The following ERC1 variants were observed in gnomAD, a reference collection of about 807,000 sequenced individuals.
ERC1 encodes the protein RAB6 interacting protein 2.
ERC1 carries 56 observed loss-of-function variants against 132.0 expected under a neutral mutation model. The ratio of observed to expected loss-of-function variants is 0.42; its 90% CI spans 0.34 to 0.53. The LOEUF (loss-of-function observed/expected upper bound fraction) is 0.53. ERC1 is among the 20% of genes least tolerant of loss of function. The pLI is 0.03. For synonymous variants in ERC1, 478 were observed against 476.1 expected, an observed-to-expected ratio of 1.00 and a Z score of -0.05; for missense variants, 1,202 against 1,349.9, an observed-to-expected ratio of 0.89 and a Z score of 1.72.
At chr12:1,423,384 C>T (rs767452231) in intron 17 of ERC1, among the ~76,000 whole-genome samples, 2 of 152,166 alleles carry the variant, frequency 1.3e-5, no homozygotes, top group Admixed American at 6.5e-5. Flanking sequence ...AAAATTTTAA[C>T]GTGCCTTTGT....
chr12:1,330,589 A>T (rs2082790903), intron 15 of ERC1, among the ~76,000 whole-genome samples: 1 of 151,612 alleles, frequency 6.6e-6, no homozygotes, highest in Non-Finnish European at 1.5e-5. Flanking sequence ...CAGTACCTCT[A>T]CTCTTCCTTC....
intron 14 of ERC1, among the ~76,000 whole-genome samples, chr12:1,289,128 CACAT>C (rs1200674161): frequency 8.1e-5 from 11 of 135,108 alleles, no homozygotes; most frequent in African/African-American, 1.4e-4. Flanking sequence ...CACACACACA[CACAT>C]AACTATATAG....
At chr12:1,157,524 C>G (rs1381801127) in intron 8 of ERC1, among the ~76,000 whole-genome samples, 2 of 152,108 alleles carry the variant, frequency 1.3e-5, no homozygotes, top group African/African-American at 4.8e-5. Context: ...ATAATCCACC[C>G]CTTCTCTTCT....
intron 3 of ERC1, among the ~76,000 whole-genome samples, chr12:1,101,291 G>A (rs1944629031): frequency 6.6e-6 from 1 of 152,120 alleles, no homozygotes; most frequent in Non-Finnish European, 1.5e-5. Context: ...ACTGGGCTCC[G>A]AAGTTATATA....
rs2094307339 is a variant in ERC1 at position 1,490,449 on chromosome 12, A to G, written c.*219A>G. On this transcript the variant is annotated 3_prime_UTR_variant, in exon 19 of 19. Coordinates refer to ENST00000360905, the MANE Select transcript of ERC1 (RefSeq NM_178040.4). Reference sequence around the variant, plus strand: ...CTCTACACTAACCTTCTTGATGTCCAGGGTAGATAAAGGGTCGAATCTCTC... The same window carrying G: ...CTCTACACTAACCTTCTTGATGTCCGGGGTAGATAAAGGGTCGAATCTCTC... 3 of 526,288 alleles carry G rather than the reference A, an allele frequency of 5.7e-6. No individual in the cohort carries two copies. Among genetic ancestry groups the G allele is most frequent in the East Asian group, 5.9e-5 (2 of 34,066 alleles). The allele number at this position is 526,288 out of a possible 1,614,324, so 32.6% of individuals were successfully genotyped here. A position where few individuals can be genotyped will look rare whatever the true frequency, so the allele number is the denominator to read the frequency against.
chr12:1,263,760 G>A (rs768585846), intron 14 of ERC1, among the ~76,000 whole-genome samples: 15 of 152,058 alleles, frequency 9.9e-5, no homozygotes, highest in Non-Finnish European at 2.1e-4. Flanking sequence ...TGTGATCTCA[G>A]CTCACTGCAA....
At chr12:1,115,668 T>A in intron 6 of ERC1, 198 bp from the exon 7 acceptor site, 1 of 445,382 alleles carries the variant, frequency 2.2e-6, no homozygotes, top group Admixed American at 3.9e-5. Flanking sequence ...TCCCTATTGG[T>A]TGAATAAGTT....
intron 1 of ERC1, among the ~76,000 whole-genome samples, chr12:1,011,067 A>G (rs1047007434): frequency 3.9e-5 from 6 of 152,208 alleles, no homozygotes; most frequent in African/African-American, 1.4e-4. Context: ...ATATGTGCCA[A>G]CTGCATTTGG....
rs12319376 is a variant in ERC1, at chr12:1,444,631, A to G, written c.3094A>G (p.Thr1032Ala). 124,598 of 1,613,534 alleles carry G rather than the reference A, an allele frequency of 0.077. 14,870 individuals carry two copies. Among genetic ancestry groups the G allele is most frequent in the African/African-American group, 0.57 (42,611 of 74,838 alleles). The change falls in exon 18 of 19, where the codon ACC becomes GCC. Residue 1032 changes from threonine (T) to alanine (A), a missense_variant. Transcript: ENST00000360905. ...AAAGTTGTACATTGGACACCTGACA[A>G]CCCTCTGCCATGACCGAGACCCCCT... ...KLKLYIGHLT[T>A]LCHDRDPLIL...
upstream of ERC1, chr12:991,145 G>A (rs1486493878): frequency 1.4e-5 from 2 of 147,514 alleles, no homozygotes; most frequent in East Asian, 2.0e-4. Context: ...CGGGAGCCCG[G>A]GGAGGCGCGC....
chr12:1,263,593 G>T (rs1291946456), intron 14 of ERC1, among the ~76,000 whole-genome samples: 1 of 152,228 alleles, frequency 6.6e-6, no homozygotes, highest in Admixed American at 6.5e-5. Flanking sequence ...TATTGGACGA[G>T]ATGAAATGGA....
intron 4 of ERC1, among the ~76,000 whole-genome samples, chr12:1,105,635 G>A (rs557542184): frequency 6.6e-6 from 1 of 152,292 alleles, no homozygotes; most frequent in African/African-American, 2.4e-5. Context: ...GGGATTACAG[G>A]TGTGAGCCAC....
chr12:1,382,289 G>A (rs2088774601), intron 16 of ERC1, among the ~76,000 whole-genome samples: 2 of 152,186 alleles, frequency 1.3e-5, no homozygotes, highest in African/African-American at 4.8e-5. Context: ...ATAAATAAAA[G>A]GAGTGAGTGG....
chr12:1,452,189 G>C (rs1027703908), intron 18 of ERC1, among the ~76,000 whole-genome samples: 4 of 149,534 alleles, frequency 2.7e-5, no homozygotes, highest in Non-Finnish European at 2.9e-5. Context: ...TTGGTTGACA[G>C]GGATTTTTTT....
intron 11 of ERC1, among the ~76,000 whole-genome samples, chr12:1,189,140 T>C (rs1955445485): frequency 1.3e-5 from 2 of 152,230 alleles, no homozygotes; most frequent in Non-Finnish European, 2.9e-5. Flanking sequence ...CTTCAACTTA[T>C]GGCTGCAAGC....
intron 14 of ERC1, among the ~76,000 whole-genome samples, chr12:1,284,911 T>C (rs1426571565): frequency 2.0e-5 from 3 of 152,226 alleles, no homozygotes; most frequent in Non-Finnish European, 4.4e-5. Context: ...ATTACAGGCA[T>C]GAGCCACCAC....
At chr12:1,275,728 A>G (rs1277003785) in intron 14 of ERC1, among the ~76,000 whole-genome samples, 3 of 152,166 alleles carry the variant, frequency 2.0e-5, no homozygotes, top group African/African-American at 7.2e-5. Context: ...TAGTGTTGCT[A>G]TAAAGGAATT....
rs1400278930 is a variant in ERC1 at position 1,493,451 on chromosome 12, C to T, written c.*3221C>T. ...CCAGCTACTCAGGAGGCAGGAGAAT[C>T]GCTTGAGCCTGGGAGGCAGAGGCTG... On this transcript the variant is annotated 3_prime_UTR_variant, in exon 19 of 19. Transcript: ENST00000360905. The T allele has an allele frequency of 3.2e-5, 5 of 154,876 alleles. No individual in the cohort carries two copies. Among genetic ancestry groups the T allele is most frequent in the Non-Finnish European group, 7.1e-5 (5 of 70,536 alleles). The allele number at this position is 154,876 out of a possible 1,614,324, so 9.6% of individuals were successfully genotyped here.
At position 1,444,672 on chromosome 12, in the gene ERC1, C is replaced by G; in HGVS notation, c.3135C>G (p.Leu1045=). Residue 1045 remains leucine, a synonymous_variant, in exon 18 of 19, where the codon CTC becomes CTG. Coordinates refer to ENST00000360905, the MANE Select transcript of ERC1 (RefSeq NM_178040.4). ...GAGACCCCCTGATCCTCCGTGGACT[C>G]ACTCCACCAGCTTCCTATAACTTGG... ...HDRDPLILRG[L]TPPASYNLDD... is the part of the protein sequence containing the mutation. The G allele has an allele frequency of 1.2e-6, 2 of 1,614,160 alleles. No homozygotes were observed. Among genetic ancestry groups the G allele is most frequent in the Non-Finnish European group, 1.7e-6 (2 of 1,180,006 alleles).
Sources: gnomAD v4.1 joint callset for allele counts (sites outside exome capture counted in the v4.1 genomes callset) on GRCh38, gnomAD v4.1.1 for gene constraint, MANE v1.5 for transcripts, NCBI Gene and HGNC (gene_info 2026-07-23, HGNC 2026-07-21) for gene names.